Variants in ARHGEF7 observed in about 807,000 individuals in gnomAD.
ARHGEF7 encodes the protein Rho guanine nucleotide exchange factor 7.
A neutral mutation model predicts 109.8 loss-of-function variants in ARHGEF7; 33 were observed. The observed-to-expected ratio is 0.30, with a 90% CI of 0.23 to 0.40. The LOEUF is 0.40. Among genes scored for constraint, ARHGEF7 ranks in the 10% least tolerant of loss-of-function variants. The probability of loss-of-function intolerance (pLI) is 1.00; values close to 1 mark genes in which losing one functional copy is unlikely to be tolerated. For synonymous variants in ARHGEF7, 458 were observed against 424.6 expected, an observed-to-expected ratio of 1.08 and a Z score of -0.97; for missense variants, 938 against 1,098.5, an observed-to-expected ratio of 0.85 and a Z score of 2.07.
intron 2 of ARHGEF7, among the ~76,000 whole-genome samples, chr13:111,164,947 G>A (rs953853523): frequency 1.3e-5 from 2 of 152,148 alleles, no homozygotes; most frequent in Non-Finnish European, 2.9e-5. Context: ...ATAAGGACCC[G>A]TGATAATATT....
chr13:111,133,254 T>C (rs931710422), intron 1 of ARHGEF7, among the ~76,000 whole-genome samples: 5 of 152,050 alleles, frequency 3.3e-5, no homozygotes, highest in Admixed American at 2.6e-4. Context: ...TGCGCATATA[T>C]ACATACAGTA....
At chr13:111,212,454 C>T (rs2082617316) in intron 4 of ARHGEF7, among the ~76,000 whole-genome samples, 1 of 152,178 alleles carries the variant, frequency 6.6e-6, no homozygotes, top group Non-Finnish European at 1.5e-5. Flanking sequence ...GCTGGAATTC[C>T]TGGTGACTGC....
intron 3 of ARHGEF7, among the ~76,000 whole-genome samples, chr13:111,206,233 AGG>A (rs573568310): frequency 6.8e-6 from 1 of 147,274 alleles, no homozygotes; most frequent in Non-Finnish European, 1.5e-5. Flanking sequence ...GGCCCTTCAG[AGG>A]GGGGGGTGTA....
intron 8 of ARHGEF7, among the ~76,000 whole-genome samples, chr13:111,254,688 C>T (rs1372121387): frequency 2.9e-4 from 3 of 10,436 alleles, no homozygotes; most frequent in East Asian, 3.0e-3. Flanking sequence ...AAGGCCGGGC[C>T]CAGAAGAGGA....
intron 5 of ARHGEF7, among the ~76,000 whole-genome samples, chr13:111,223,857 C>CG (rs2084807599): frequency 7.1e-6 from 1 of 141,314 alleles, no homozygotes; most frequent in Non-Finnish European, 1.5e-5. Flanking sequence ...ATTTCTATAG[C>CG]ATTTTTTTTT....
intron 1 of ARHGEF7, among the ~76,000 whole-genome samples, chr13:111,118,598 A>T (rs137955272): frequency 1.8e-3 from 278 of 152,270 alleles, no homozygotes; most frequent in African/African-American, 6.1e-3. Flanking sequence ...CCGTGAGCAG[A>T]GGTCATGACG....
At chr13:111,263,575 G>A (rs2091319988) in intron 8 of ARHGEF7, among the ~76,000 whole-genome samples, 1 of 152,188 alleles carries the variant, frequency 6.6e-6, no homozygotes, top group South Asian at 2.1e-4. Flanking sequence ...AACCCATTGT[G>A]GGTAGCACAT....
chr13:111,293,938 G>A (rs1476662768), intron 19 of ARHGEF7: 1 of 985,408 alleles, frequency 1.0e-6, no homozygotes, highest in Non-Finnish European at 1.2e-6. Flanking sequence ...TTAGAAAGTT[G>A]GGTGGCTTCA....
intron 8 of ARHGEF7, among the ~76,000 whole-genome samples, chr13:111,256,258 A>C (rs1595239327): frequency 1.3e-5 from 2 of 152,268 alleles, no homozygotes; most frequent in East Asian, 3.8e-4. Context: ...CGTTCAGGAA[A>C]GAAACATTTT....
chr13:111,120,298 A>G (rs1256792099), intron 1 of ARHGEF7, among the ~76,000 whole-genome samples: 2 of 152,242 alleles, frequency 1.3e-5, no homozygotes, highest in East Asian at 3.9e-4. Context: ...TTTCCTGAGA[A>G]CCAGACTAGA....
rs530149919 is a variant in ARHGEF7, at chr13:111,204,235, A to C, written c.253-1054A>C. 1.6e-4 allele frequency among the ~76,000 whole-genome samples: 24 copies of C among 152,260 alleles called. No individual in the cohort carries two copies. The South Asian group carries it at 5.0e-3, about 32-fold the overall frequency. On this transcript the variant is annotated intron_variant, in intron 2 of 21. Transcript: ENST00000646102. ...GCTAGAGGTGTGGGGAGAGGGCAGGACTGACAGGAGGAGACGACAGCCCTG... is the reference window on the plus strand; with the variant it reads ...GCTAGAGGTGTGGGGAGAGGGCAGGCCTGACAGGAGGAGACGACAGCCCTG...
intron 1 of ARHGEF7, among the ~76,000 whole-genome samples, chr13:111,119,164 C>T (rs1050495566): frequency 6.6e-6 from 1 of 152,202 alleles, no homozygotes; most frequent in African/African-American, 2.4e-5. Context: ...GGTTTCTTCT[C>T]TGTGTCCAAA....
chr13:111,284,386 T>C (rs1217480147), intron 16 of ARHGEF7, among the ~76,000 whole-genome samples: 1 of 152,210 alleles, frequency 6.6e-6, no homozygotes, highest in Non-Finnish European at 1.5e-5. Context: ...TGAGTCTTTG[T>C]TTTTATGATA....
chr13:111,173,831 C>T (rs2077835361), intron 2 of ARHGEF7, among the ~76,000 whole-genome samples: 1 of 152,134 alleles, frequency 6.6e-6, no homozygotes, highest in Non-Finnish European at 1.5e-5. Flanking sequence ...GCCCGTGAGA[C>T]AGGTGCGGGT....
At chr13:111,205,261 AT>A in intron 2 of ARHGEF7, 27 bp from the exon 3 acceptor site, 1 of 1,574,208 alleles carries the variant, frequency 6.4e-7, no homozygotes, top group Non-Finnish European at 8.6e-7. Flanking sequence ...GACTCTACTA[AT>A]TTTGCTTGTT....
At chr13:111,128,117 A>G (rs2067699292) in intron 1 of ARHGEF7, among the ~76,000 whole-genome samples, 1 of 152,208 alleles carries the variant, frequency 6.6e-6, no homozygotes. Context: ...TCAATGGTGA[A>G]AGACTAAAAG....
chr13:111,203,133 T>G (rs2081378708), intron 2 of ARHGEF7: 2 of 1,272,044 alleles, frequency 1.6e-6, no homozygotes. Context: ...TAGAAATTTA[T>G]GTATGTATTT....
chr13:111,133,200 CGTGTATAT>C, intron 1 of ARHGEF7, among the ~76,000 whole-genome samples: 1 of 151,542 alleles, frequency 6.6e-6, no homozygotes, highest in Non-Finnish European at 1.5e-5. Context: ...TGTATATATG[CGTGTATAT>C]GTGTATATAT....
At chr13:111,245,480 C>T (rs148528486) in intron 8 of ARHGEF7, among the ~76,000 whole-genome samples, 88 of 152,306 alleles carry the variant, frequency 5.8e-4, no homozygotes, top group African/African-American at 2.0e-3. Context: ...AGCTTTTTCA[C>T]CTTTTCAAAT....
Sources: allele counts gnomAD v4.1 joint callset (sites outside exome capture counted in the v4.1 genomes callset), GRCh38; gene constraint gnomAD v4.1.1; transcripts MANE v1.5; gene names NCBI Gene and HGNC (gene_info 2026-07-23, HGNC 2026-07-21).